Variants in GLI3 observed in about 807,000 individuals in gnomAD.
GLI3 encodes the protein GLI family zinc finger 3, also known as transcription activator GLI3.
Under a neutral mutation model 100.8 loss-of-function variants are expected in GLI3, and 20 were observed. The observed-to-expected ratio is 0.20, with a 90% CI of 0.14 to 0.29. GLI3 has a LOEUF of 0.29. Ranked by LOEUF, GLI3 falls within the 10% of genes least tolerant of loss-of-function variation. The pLI is 1.00. For synonymous variants in GLI3, 938 were observed against 860.5 expected (o/e 1.09, Z -1.58); for missense variants, 2,040 against 2,128.5 (o/e 0.96, Z 0.82).
At chr7:42,051,257 C>T (rs756239404) in intron 4 of GLI3, among the ~76,000 whole-genome samples, 16 of 152,180 alleles carry the variant, frequency 1.1e-4, no homozygotes, top group Non-Finnish European at 1.8e-4. Context: ...ATTCTAGATA[C>T]AGATGTATCC....
chr7:42,021,266 C>T (rs534773145), intron 10 of GLI3, among the ~76,000 whole-genome samples: 1 of 152,192 alleles, frequency 6.6e-6, no homozygotes, highest in Non-Finnish European at 1.5e-5. Context: ...AAATTAATAT[C>T]ATAAAGGTAA....
chr7:41,998,068 T>C (rs1788179978), intron 10 of GLI3, among the ~76,000 whole-genome samples: 1 of 152,208 alleles, frequency 6.6e-6, no homozygotes, highest in Non-Finnish European at 1.5e-5. Flanking sequence ...TTAGGAATTC[T>C]TTTTGGTTCA....
rs546822428 is a variant in GLI3, at chr7:42,074,867, G to C, written c.473+1885C>G. Among the ~76,000 whole-genome samples the C allele has an allele frequency of 1.1e-4, 17 of 152,306 alleles. No homozygotes were observed. The East Asian group carries it at 3.3e-3, about 29-fold the overall frequency. On this transcript the variant is annotated intron_variant, in intron 4 of 14. Transcript: ENST00000395925. ...TGATAATTATACATTTAGGCTGCTAGAGAACCATTTAGTCAGATGCTAGTA... is the reference window on the plus strand; with the variant it reads ...TGATAATTATACATTTAGGCTGCTACAGAACCATTTAGTCAGATGCTAGTA...
chr7:42,023,590 TTGTTCCTTCGGGC>T lies in GLI3; in HGVS notation c.1362_1374del (p.Glu456LeufsTer42), dbSNP rs1789008969. The T allele has an allele frequency of 6.2e-7, 1 of 1,613,218 alleles. No homozygotes were observed. ...TTGTCCCCTTCCTCCTTGACAAGGG[TTGTTCCTTCGGGC>T]TGTTCCTGAAAGAAGAGGGTGGGGG... On this transcript the variant is annotated frameshift_variant, in exon 10 of 15. Coordinates refer to ENST00000395925, the MANE Select transcript of GLI3 (RefSeq NM_000168.6). LOFTEE classifies it high-confidence loss of function.
intron 10 of GLI3, among the ~76,000 whole-genome samples, chr7:41,985,840 C>T (rs971590078): frequency 1.3e-5 from 2 of 152,190 alleles, no homozygotes; most frequent in African/African-American, 4.8e-5. Context: ...ACTATCAGGA[C>T]TGAAATAGGC....
chr7:41,981,871 C>T (rs1472222287), intron 10 of GLI3, among the ~76,000 whole-genome samples: 1 of 152,180 alleles, frequency 6.6e-6, no homozygotes, highest in Non-Finnish European at 1.5e-5. Context: ...CCAATCATTT[C>T]CTATTTATAC....
At chr7:42,051,668 C>T (rs1046795927) in intron 4 of GLI3, among the ~76,000 whole-genome samples, 1 of 152,142 alleles carries the variant, frequency 6.6e-6, no homozygotes, top group East Asian at 1.9e-4. Flanking sequence ...TTAAGACATT[C>T]TTTTTGTTAG....
In GLI3 at chr7:41,964,933, G is replaced by A; in HGVS notation, c.4140C>T (p.Val1380=). The part of the protein sequence containing the change: ...MGSQPSSLAV[V]RGYQPCASFG... ...AGCTGGCACATGGCTGGTAGCCCCT[G>A]ACAACTGCCAAGCTTGACGGCTGGC... The change falls in exon 15 of 15, where the codon GTC becomes GTT. Residue 1380 remains valine (V), a synonymous_variant. Coordinates refer to ENST00000395925, the MANE Select transcript of GLI3 (RefSeq NM_000168.6). 1.2e-6 allele frequency: 2 copies of A among 1,613,778 alleles called. No individual in the cohort carries two copies. The highest frequency in any genetic ancestry group is 1.7e-6 in the Non-Finnish European group (2 of 1,180,034).
Position 41,964,322 on chromosome 7 carries a change from C to A in GLI3, c.*8G>T, listed in dbSNP as rs1345681780. On this transcript the variant is annotated 3_prime_UTR_variant, in exon 15 of 15. Transcript: ENST00000395925. ...TTTCCGTTGGTTGCAGTCTTTTTTT[C>A]CTAAAGCCTATTGCATAACTGCAAG... 2 of 1,611,868 alleles carry A rather than the reference C, an allele frequency of 1.2e-6. No homozygotes were observed. The highest frequency in any genetic ancestry group is 1.3e-5 in the African/African-American group (1 of 74,750).
chr7:42,108,336 T>C (rs1785624902), intron 3 of GLI3, among the ~76,000 whole-genome samples: 1 of 152,152 alleles, frequency 6.6e-6, no homozygotes, highest in African/African-American at 2.4e-5. Flanking sequence ...ATGTTATGCC[T>C]CCCTCTAGAG....
intron 3 of GLI3, among the ~76,000 whole-genome samples, chr7:42,116,268 C>T (rs1303355953): frequency 6.6e-6 from 1 of 152,086 alleles, no homozygotes; most frequent in Non-Finnish European, 1.5e-5. Flanking sequence ...GCGTTTTGAA[C>T]AGCAGCACAC....
intron 2 of GLI3, among the ~76,000 whole-genome samples, chr7:42,182,642 G>A (rs984200210): frequency 2.5e-5 from 1 of 39,366 alleles, no homozygotes; most frequent in Non-Finnish European, 4.2e-5. Flanking sequence ...GTATATGTGT[G>A]TGTATATATA....
intron 2 of GLI3, among the ~76,000 whole-genome samples, chr7:42,187,210 CAAAA>C (rs5883817): frequency 8.6e-6 from 1 of 116,850 alleles, no homozygotes; most frequent in Admixed American, 9.0e-5. Flanking sequence ...GACCCTGTCT[CAAAA>C]AAAAAAAAAA....
intron 2 of GLI3, among the ~76,000 whole-genome samples, chr7:42,221,076 A>G (rs1284741508): frequency 6.6e-6 from 1 of 152,200 alleles, no homozygotes; most frequent in Non-Finnish European, 1.5e-5. Flanking sequence ...GTGATTATTT[A>G]ACACTGCAGC....
intron 3 of GLI3, among the ~76,000 whole-genome samples, chr7:42,116,083 C>A (rs1298394880): frequency 1.3e-5 from 2 of 151,782 alleles, no homozygotes; most frequent in African/African-American, 4.8e-5. Flanking sequence ...GTGGAAACAC[C>A]AACAAACCCT....
chr7:41,978,769 G>A (rs778570328), intron 10 of GLI3, 21 bp from the exon 11 acceptor site: 3 of 1,610,852 alleles, frequency 1.9e-6, no homozygotes, highest in Non-Finnish European at 2.5e-6. Context: ...GAAAAAGAGA[G>A]AGAAATCAAA....
chr7:42,045,989 A>G (rs1189349907), intron 5 of GLI3, among the ~76,000 whole-genome samples: 1 of 152,198 alleles, frequency 6.6e-6, no homozygotes, highest in Non-Finnish European at 1.5e-5. Context: ...ACTCACATGA[A>G]AAGTCAGGGT....
chr7:42,071,887 C>T (rs1015717791), intron 4 of GLI3, among the ~76,000 whole-genome samples: 1 of 152,016 alleles, frequency 6.6e-6, no homozygotes, highest in African/African-American at 2.4e-5. Context: ...AGGGAGGTGG[C>T]CACTTTTAGT....
At chr7:41,971,646 G>C (rs992033939) in intron 13 of GLI3, among the ~76,000 whole-genome samples, 1 of 152,180 alleles carries the variant, frequency 6.6e-6, no homozygotes. Context: ...AACTGCAGAA[G>C]TGGTCTCCAG....
Sources: allele counts gnomAD v4.1 joint callset (sites outside exome capture counted in the v4.1 genomes callset), GRCh38; gene constraint gnomAD v4.1.1; transcripts MANE v1.5; gene names NCBI Gene and HGNC (gene_info 2026-07-23, HGNC 2026-07-21).